Variants in FOXK1 observed in about 807,000 individuals in gnomAD.
FOXK1 encodes the protein forkhead box protein K1.
FOXK1 carries 19 observed loss-of-function variants against 51.9 expected under a neutral mutation model. The ratio of observed to expected loss-of-function variants is 0.37; its 90% CI spans 0.26 to 0.54. FOXK1 has a LOEUF of 0.54. Ranked by LOEUF, FOXK1 falls within the 20% of genes least tolerant of loss-of-function variation. The probability of loss-of-function intolerance (pLI) is 0.87; values close to 1 mark genes in which losing one functional copy is unlikely to be tolerated. For synonymous variants in FOXK1, 537 were observed against 482.6 expected, an observed-to-expected ratio of 1.11 and a Z score of -1.48; for missense variants, 870 against 1,032.7, an observed-to-expected ratio of 0.84 and a Z score of 2.16.
rs1168501753 is a variant in FOXK1, at chr7:4,764,733, C to A, written c.*2269C>A. The A allele has an allele frequency of 6.6e-6, 1 of 152,300 alleles. No individual in the cohort carries two copies. The highest frequency in any genetic ancestry group is 2.4e-5 in the African/African-American group (1 of 41,458). 9.4% of individuals were successfully genotyped at this position (152,300 alleles called of 1,614,324 possible). A position where few individuals can be genotyped will look rare whatever the true frequency, so the allele number is the denominator to read the frequency against. On this transcript the variant is annotated 3_prime_UTR_variant, in exon 9 of 9. Coordinates refer to ENST00000328914, the MANE Select transcript of FOXK1 (RefSeq NM_001037165.2). ...TGCCTGTGGCCACCCTGATGGGAGA[C>A]CTCTGTTTGCTTCTGGGCCACTGCA...
chr7:4,751,344 C>A (rs571871326), intron 2 of FOXK1, among the ~76,000 whole-genome samples: 1 of 152,156 alleles, frequency 6.6e-6, no homozygotes, highest in Admixed American at 6.5e-5. Context: ...CGTGCCCGGC[C>A]CAGCATTTTC....
intron 1 of FOXK1, among the ~76,000 whole-genome samples, chr7:4,736,321 A>G (rs573119981): frequency 1.3e-5 from 2 of 152,232 alleles, no homozygotes; most frequent in East Asian, 3.8e-4. Flanking sequence ...TATAGATGGC[A>G]TTAGATCCCT....
At position 4,756,938 on chromosome 7, in the gene FOXK1, G is replaced by C. The variant is rs1780860820; in HGVS notation, c.1051-56G>C. The C allele has an allele frequency of 1.3e-6, 2 of 1,579,752 alleles. No individual in the cohort carries two copies. Among genetic ancestry groups the C allele is most frequent in the Non-Finnish European group, 1.7e-6 (2 of 1,159,928 alleles). ...CGCATCTGCTGCAGATTTGAGGTGG[G>C]TGGGACTCATTTTCTGATTTGCTGG... On this transcript the variant is annotated intron_variant, in intron 4 of 8. Transcript: ENST00000328914. The surrounding 1 kb of genome is among the most constrained non-coding windows in gnomAD (Gnocchi z 4.1).
intron 1 of FOXK1, among the ~76,000 whole-genome samples, chr7:4,689,686 G>T (rs908275551): frequency 2.0e-5 from 3 of 152,176 alleles, no homozygotes; most frequent in Non-Finnish European, 4.4e-5. Flanking sequence ...TTAGTTATAC[G>T]TTGTATAACC....
At chr7:4,701,481 C>T (rs1383008526) in intron 1 of FOXK1, among the ~76,000 whole-genome samples, 1 of 152,080 alleles carries the variant, frequency 6.6e-6, no homozygotes, top group Non-Finnish European at 1.5e-5. Context: ...ATTGACCGGG[C>T]GTGGTGGCTC....
In FOXK1 at chr7:4,729,541, G is replaced by C. The variant is rs1780423788; in HGVS notation, c.561-11297G>C. On this transcript the variant is annotated intron_variant, in intron 1 of 8. Coordinates refer to ENST00000328914, the MANE Select transcript of FOXK1 (RefSeq NM_001037165.2). The surrounding 1 kb of genome is among the most constrained non-coding windows in gnomAD (Gnocchi z 6.2). ...TGCTCAGGACTGCCGGGCCCCGGGA[G>C]CCCCACCCGGCAGGACACACACCTG... Among the ~76,000 whole-genome samples the C allele has an allele frequency of 1.3e-5, 2 of 152,306 alleles. No individual in the cohort carries two copies. The highest frequency in any genetic ancestry group is 2.1e-4 in the South Asian group (1 of 4,826).
rs1356379317 is a variant in FOXK1 at position 4,705,976 on chromosome 7, ATATATACG to A, written c.560+23115_560+23122del. Reference sequence around the variant, plus strand: ...TATATATATGTATATATATATACGTATATATACGTATATATACGTATATATACGTATAT... The same window carrying A: ...TATATATATGTATATATATATACGTATATATATACGTATATATACGTATAT... On this transcript the variant is annotated intron_variant, in intron 1 of 8. Transcript: ENST00000328914. Among the ~76,000 whole-genome samples, 539 of 107,532 alleles carry A rather than the reference ATATATACG, an allele frequency of 5.0e-3. 42 individuals are homozygous for A. Among genetic ancestry groups the A allele is most frequent in the African/African-American group, 0.031 (526 of 16,876 alleles). The allele number at this position is 107,532 out of a possible 152,430, so 70.5% of individuals were successfully genotyped here.
intron 1 of FOXK1, among the ~76,000 whole-genome samples, chr7:4,691,139 C>T (rs949449169): frequency 2.0e-5 from 3 of 152,130 alleles, no homozygotes; most frequent in East Asian, 1.9e-4. Context: ...TGCCAGGAAT[C>T]GGAGGAACCA....
chr7:4,718,322 G>A (rs1277120187), intron 1 of FOXK1, among the ~76,000 whole-genome samples: 1 of 152,200 alleles, frequency 6.6e-6, no homozygotes, highest in Non-Finnish European at 1.5e-5. Flanking sequence ...TTGTAACCCT[G>A]GAAACCAGTA....
Position 4,767,510 on chromosome 7 carries a change from T to C in FOXK1, c.*5046T>C, listed in dbSNP as rs1038036645. The C allele has an allele frequency of 6.6e-6, 1 of 152,260 alleles. No homozygotes were observed. Among genetic ancestry groups the C allele is most frequent in the African/African-American group, 2.4e-5 (1 of 41,476 alleles). 9.4% of individuals were successfully genotyped at this position (152,260 alleles called of 1,614,324 possible). The stretch of plus-strand genomic sequence containing the variant: ...GCAATATTATTTAATGAGAATACTT[T>C]ACATTGCTCACATGTGCTGCTATGA... On this transcript the variant is annotated 3_prime_UTR_variant, in exon 9 of 9. Coordinates refer to ENST00000328914, the MANE Select transcript of FOXK1 (RefSeq NM_001037165.2). The surrounding 1 kb of genome is among the most constrained non-coding windows in gnomAD (Gnocchi z 6.6).
In FOXK1 at chr7:4,768,173, C is replaced by T. The variant is rs1445419887; in HGVS notation, c.*5709C>T. ...TTTGAGACGGAGTCTCGCTCTGTCG[C>T]CCAGGCTGGAGTGCAGTGGCGTGAT... On this transcript the variant is annotated 3_prime_UTR_variant, in exon 9 of 9. Transcript: ENST00000328914. 1 of 123,558 alleles carries T rather than the reference C, an allele frequency of 8.1e-6. No individual in the cohort carries two copies. Among genetic ancestry groups the T allele is most frequent in the Admixed American group, 8.1e-5 (1 of 12,342 alleles). The allele number at this position is 123,558 out of a possible 1,614,324, so 7.7% of individuals were successfully genotyped here. A position where few individuals can be genotyped will look rare whatever the true frequency, so the allele number is the denominator to read the frequency against.
intron 1 of FOXK1, among the ~76,000 whole-genome samples, chr7:4,708,594 G>A (rs940196160): frequency 7.9e-5 from 12 of 152,234 alleles, no homozygotes; most frequent in African/African-American, 1.2e-4. Context: ...AATTTGCCCC[G>A]AATGGTATAA....
At chr7:4,727,674 G>C (rs938595287) in intron 1 of FOXK1, among the ~76,000 whole-genome samples, 1 of 152,210 alleles carries the variant, frequency 6.6e-6, no homozygotes, top group African/African-American at 2.4e-5. Context: ...TGCTGAGGGC[G>C]GCCTGCTGTC....
intron 1 of FOXK1, among the ~76,000 whole-genome samples, chr7:4,688,816 G>A (rs917948690): frequency 2.0e-5 from 3 of 152,004 alleles, no homozygotes; most frequent in African/African-American, 7.3e-5. Context: ...TAGACCCGGG[G>A]ATTCCATCAG....
At chr7:4,737,038 GCTC>G (rs1055585938) in intron 1 of FOXK1, among the ~76,000 whole-genome samples, 2 of 152,232 alleles carry the variant, frequency 1.3e-5, no homozygotes, top group Non-Finnish European at 2.9e-5. Flanking sequence ...GGGGGACCAT[GCTC>G]CTCTTCTGTG....
At chr7:4,739,635 G>C (rs549408365) in intron 1 of FOXK1, among the ~76,000 whole-genome samples, 41 of 152,334 alleles carry the variant, frequency 2.7e-4, no homozygotes, top group African/African-American at 9.6e-4. Context: ...GTCTCCAGTA[G>C]AAAAACCGAG....
Position 4,731,702 on chromosome 7 carries a change from T to TTGCAG in FOXK1, c.561-9136_561-9135insTGCAG, listed in dbSNP as rs1780478373. On this transcript the variant is annotated intron_variant, in intron 1 of 8. Coordinates refer to ENST00000328914, the MANE Select transcript of FOXK1 (RefSeq NM_001037165.2). This position sits in a 1 kb window ranked among gnomAD's most constrained non-coding sequence, Gnocchi z 5.3. ...TTGGACCTGGAGGCGGAGGTTGCAGTGAGCTGAGATTGCACCACTGCACTC... is the reference window on the plus strand; with the variant it reads ...TTGGACCTGGAGGCGGAGGTTGCAGTTGCAGGAGCTGAGATTGCACCACTGCACTC... Among the ~76,000 whole-genome samples the TTGCAG allele has an allele frequency of 6.9e-6, 1 of 144,120 alleles. No individual in the cohort carries two copies. The highest frequency in any genetic ancestry group is 2.1e-4 in the South Asian group (1 of 4,696). 94.5% of individuals were successfully genotyped at this position (144,120 alleles called of 152,430 possible). A position where few individuals can be genotyped will look rare whatever the true frequency, so the allele number is the denominator to read the frequency against.
In FOXK1 at chr7:4,764,491, G is replaced by C. The variant is rs1055464711; in HGVS notation, c.*2027G>C. ...AGAGATTGCGCCCCGTTCCACACTT[G>C]TGTCGCCTGCTGTTGTCTGTGGGCC... On this transcript the variant is annotated 3_prime_UTR_variant, in exon 9 of 9. Transcript: ENST00000328914. 1 of 154,320 alleles carries C rather than the reference G, an allele frequency of 6.5e-6. No individual in the cohort carries two copies. Among genetic ancestry groups the C allele is most frequent in the Non-Finnish European group, 1.5e-5 (1 of 68,446 alleles). The allele number at this position is 154,320 out of a possible 1,614,324, so 9.6% of individuals were successfully genotyped here.
Position 4,764,793 on chromosome 7 carries a change from G to T in FOXK1, c.*2329G>T, listed in dbSNP as rs899741872. Reference sequence around the variant, plus strand: ...CCTCAATACAAGCTGATGTCTGCAGGGAGCGCCGCGTGCTGGGATTGCACC... The same window carrying T: ...CCTCAATACAAGCTGATGTCTGCAGTGAGCGCCGCGTGCTGGGATTGCACC... On this transcript the variant is annotated 3_prime_UTR_variant, in exon 9 of 9. Transcript: ENST00000328914. 6 of 152,358 alleles carry T rather than the reference G, an allele frequency of 3.9e-5. No homozygotes were observed. The highest frequency in any genetic ancestry group is 8.8e-5 in the Non-Finnish European group (6 of 68,156). The allele number at this position is 152,358 out of a possible 1,614,324, so 9.4% of individuals were successfully genotyped here.
Sources: gnomAD v4.1 joint callset for allele counts (sites outside exome capture counted in the v4.1 genomes callset) on GRCh38, gnomAD v4.1.1 for gene constraint, Gnocchi (gnomAD v3.1) non-coding constraint, MANE v1.5 for transcripts, NCBI Gene and HGNC (gene_info 2026-07-23, HGNC 2026-07-21) for gene names.